Variants in LRRC40 observed in about 807,000 individuals in gnomAD.
The protein encoded by LRRC40 is leucine rich repeat containing 40, also known as leucine-rich repeat-containing protein 40.
Under a neutral mutation model 72.8 loss-of-function variants are expected in LRRC40, and 76 were observed. The observed-to-expected ratio is 1.04, with a 90% confidence interval of 0.87 to 1.26. The LOEUF (loss-of-function observed/expected upper bound fraction) is 1.26. Among genes scored for constraint, LRRC40 ranks in the 50% most tolerant of loss-of-function variants. The probability of loss-of-function intolerance (pLI) is 0.00; values close to 1 mark genes in which losing one functional copy is unlikely to be tolerated. For missense variants in LRRC40, 684 were observed against 698.9 expected (o/e 0.98, Z 0.24); for synonymous variants, 243 against 254.2 (o/e 0.96, Z 0.42).
chr1:70,161,652 C>G (rs1338714072), intron 9 of LRRC40, among the ~76,000 whole-genome samples: 4 of 151,928 alleles, frequency 2.6e-5, no homozygotes, highest in Admixed American at 6.6e-5. Context: ...TCACCTAGAA[C>G]GAAGTCTTCA....
At chr1:70,182,355 C>A (rs752214982) in intron 4 of LRRC40, among the ~76,000 whole-genome samples, 1 of 151,904 alleles carries the variant, frequency 6.6e-6, no homozygotes, top group Non-Finnish European at 1.5e-5. Context: ...ATCTAAATAA[C>A]GTCTGCAGTT....
chr1:70,199,629 C>T (rs1668694212), intron 1 of LRRC40, among the ~76,000 whole-genome samples: 3 of 152,106 alleles, frequency 2.0e-5, no homozygotes, highest in African/African-American at 7.2e-5. Context: ...TTTTCTCTTC[C>T]TTATGATTTT....
At chr1:70,204,721 CCTCT>C (rs1014960774) in intron 1 of LRRC40, among the ~76,000 whole-genome samples, 6 of 144,126 alleles carry the variant, frequency 4.2e-5, no homozygotes, top group Non-Finnish European at 9.0e-5. Flanking sequence ...CATTCCCCTC[CCTCT>C]CTCTCTTACA....
At chr1:70,200,618 T>C (rs908350508) in intron 1 of LRRC40, among the ~76,000 whole-genome samples, 4 of 152,344 alleles carry the variant, frequency 2.6e-5, no homozygotes, top group East Asian at 1.9e-4. Flanking sequence ...TAAACACTTA[T>C]GAGACTATGA....
At chr1:70,196,796 T>A (rs1378129510) in intron 1 of LRRC40, among the ~76,000 whole-genome samples, 3 of 152,250 alleles carry the variant, frequency 2.0e-5, no homozygotes, top group Non-Finnish European at 1.5e-5. Context: ...AAATGTTCTA[T>A]ATCTTGATTG....
Position 70,145,641 on chromosome 1 carries a change from TG to T in LRRC40, c.*158del. On this transcript the variant is annotated 3_prime_UTR_variant, in exon 15 of 15. Transcript: ENST00000370952. ...TAAAAATATTTACTGGCAGTGAATA[TG>T]GCCCAGGCTAATTATACCAACAGGT... is the stretch of plus-strand genomic sequence containing the variant. 1 of 448,420 alleles carries T rather than the reference TG, an allele frequency of 2.2e-6. No individual in the cohort carries two copies. The highest frequency in any genetic ancestry group is 4.0e-6 in the Non-Finnish European group (1 of 250,944). 27.8% of individuals were successfully genotyped at this position (448,420 alleles called of 1,614,324 possible). A position where few individuals can be genotyped will look rare whatever the true frequency, so the allele number is the denominator to read the frequency against.
intron 4 of LRRC40, among the ~76,000 whole-genome samples, chr1:70,182,416 A>T (rs1224451315): frequency 1.3e-5 from 2 of 152,054 alleles, no homozygotes; most frequent in Non-Finnish European, 2.9e-5. Context: ...TGGTTATATC[A>T]ATATTAACAT....
At chr1:70,147,439 T>C (rs560017513) in intron 14 of LRRC40, among the ~76,000 whole-genome samples, 47 of 152,246 alleles carry the variant, frequency 3.1e-4, no homozygotes, top group Non-Finnish European at 5.7e-4. Context: ...ATTATAGTGC[T>C]GTTGGCCATG....
intron 1 of LRRC40, among the ~76,000 whole-genome samples, chr1:70,204,559 T>C (rs1425750635): frequency 6.6e-6 from 1 of 152,166 alleles, no homozygotes; most frequent in Non-Finnish European, 1.5e-5. Flanking sequence ...TTTTCATTCA[T>C]TCAGAAGCAT....
intron 6 of LRRC40, among the ~76,000 whole-genome samples, chr1:70,177,990 A>G (rs1668146633): frequency 6.6e-6 from 1 of 152,180 alleles, no homozygotes; most frequent in Non-Finnish European, 1.5e-5. Flanking sequence ...GATTTTCTTA[A>G]TAAGATTCTT....
intron 4 of LRRC40, 44 bp downstream of exon 4, chr1:70,184,741 C>T (rs1414880594): frequency 1.3e-6 from 2 of 1,539,242 alleles, no homozygotes; most frequent in African/African-American, 2.8e-5. Context: ...ATGAAAAATC[C>T]CACCAGCCCC....
intron 1 of LRRC40, among the ~76,000 whole-genome samples, chr1:70,190,696 A>AAAAAAAAAAAC (rs1668479521): frequency 8.7e-6 from 1 of 115,058 alleles, no homozygotes; most frequent in African/African-American, 4.2e-5. Flanking sequence ...AAAAAAAAAA[A>AAAAAAAAAAAC]CTTAAAAAAA....
intron 1 of LRRC40, among the ~76,000 whole-genome samples, chr1:70,190,994 T>C (rs924459109): frequency 1.3e-5 from 2 of 151,804 alleles, no homozygotes; most frequent in African/African-American, 2.4e-5. Flanking sequence ...TATGTAGGTA[T>C]GGATAATTAG....
At chr1:70,160,709 A>T (rs1023208971) in intron 9 of LRRC40, among the ~76,000 whole-genome samples, 1 of 152,168 alleles carries the variant, frequency 6.6e-6, no homozygotes, top group African/African-American at 2.4e-5. Flanking sequence ...AATAATTAGC[A>T]TCAAGGAGAA....
At chr1:70,199,828 C>T (rs1332138420) in intron 1 of LRRC40, among the ~76,000 whole-genome samples, 2 of 152,118 alleles carry the variant, frequency 1.3e-5, no homozygotes, top group Admixed American at 1.3e-4. Flanking sequence ...ACAAGGGAGT[C>T]AGCCCCACAA....
chr1:70,196,202 C>A (rs1162007571), intron 1 of LRRC40, among the ~76,000 whole-genome samples: 1 of 151,868 alleles, frequency 6.6e-6, no homozygotes, highest in Non-Finnish European at 1.5e-5. Context: ...CATCAACAGA[C>A]TAATGGATAA....
chr1:70,188,229 T>C (rs984264533), intron 2 of LRRC40, among the ~76,000 whole-genome samples: 42 of 152,156 alleles, frequency 2.8e-4, no homozygotes, highest in African/African-American at 9.7e-4. Context: ...TTTATGTTGA[T>C]AAGTAAAGTA....
intron 6 of LRRC40, among the ~76,000 whole-genome samples, chr1:70,176,572 T>C (rs1178457522): frequency 6.6e-6 from 1 of 150,806 alleles, no homozygotes; most frequent in Non-Finnish European, 1.5e-5. Context: ...GAGAAATAAT[T>C]TAGTAGTTAC....
intron 2 of LRRC40, among the ~76,000 whole-genome samples, chr1:70,187,985 AG>A (rs1243445257): frequency 6.6e-6 from 1 of 152,248 alleles, no homozygotes; most frequent in East Asian, 1.9e-4. Flanking sequence ...AGAAGAGATG[AG>A]GGGGTTAGAA....
Sources: gnomAD v4.1 joint callset for allele counts (sites outside exome capture counted in the v4.1 genomes callset) on GRCh38, gnomAD v4.1.1 for gene constraint, MANE v1.5 for transcripts, NCBI Gene and HGNC (gene_info 2026-07-23, HGNC 2026-07-21) for gene names.